The following PCLO variants were observed in gnomAD, a reference collection of about 807,000 sequenced individuals.
PCLO encodes the protein piccolo presynaptic cytomatrix protein, also known as protein piccolo.
In PCLO, 82 loss-of-function variants were observed where a neutral mutation model predicts 427.5. The observed-to-expected ratio is 0.19, with a 90% confidence interval of 0.16 to 0.23. PCLO has a LOEUF of 0.23. PCLO is among the 10% of genes least tolerant of loss of function. The pLI is 1.00. For synonymous variants in PCLO, 2,357 were observed against 2,155.4 expected, an observed-to-expected ratio of 1.09 and a Z score of -2.59; for missense variants, 6,239 against 6,115.9, an observed-to-expected ratio of 1.02 and a Z score of -0.67.
chr7:82,953,618 A>C lies in PCLO; in HGVS notation c.7335T>G (p.Val2445=). Residue 2445 remains valine (V), a synonymous_variant, in exon 5 of 25, where the codon GTT becomes GTG. Transcript: ENST00000333891. ...PTILPKKKLT[V]ASPVTTATPL... ...GTGTAGCTGTAGTCACTGGAGATGC[A>C]ACTGTTAACTTTTTTTTAGGAAGAA... 1.2e-6 allele frequency: 2 copies of C among 1,609,746 alleles called. No individual in the cohort carries two copies. Among genetic ancestry groups the C allele is most frequent in the South Asian group, 2.2e-5 (2 of 90,702 alleles).
intron 4 of PCLO, among the ~76,000 whole-genome samples, chr7:82,965,522 T>C (rs1488072017): frequency 6.6e-6 from 1 of 152,118 alleles, no homozygotes; most frequent in Non-Finnish European, 1.5e-5. Context: ...ATGATTTTGA[T>C]AGATTATTTG....
chr7:83,064,012 C>T (rs1483848068), intron 3 of PCLO, among the ~76,000 whole-genome samples: 2 of 151,856 alleles, frequency 1.3e-5, no homozygotes, highest in Admixed American at 6.6e-5. Context: ...TCAATGAAAA[C>T]CTATTAAGGC....
At chr7:83,033,806 A>T (rs1788728986) in intron 3 of PCLO, among the ~76,000 whole-genome samples, 1 of 152,106 alleles carries the variant, frequency 6.6e-6, no homozygotes, top group Non-Finnish European at 1.5e-5. Context: ...TTTGGTAGAC[A>T]TGTTTCTCAC....
intron 6 of PCLO, among the ~76,000 whole-genome samples, chr7:82,926,552 T>C (rs1483308869): frequency 6.6e-6 from 1 of 152,170 alleles, no homozygotes; most frequent in Non-Finnish European, 1.5e-5. Flanking sequence ...AATTCTCTAA[T>C]TGATACTGTG....
intron 9 of PCLO, among the ~76,000 whole-genome samples, chr7:82,882,328 C>T (rs1466967726): frequency 6.6e-6 from 1 of 152,068 alleles, no homozygotes; most frequent in Non-Finnish European, 1.5e-5. Context: ...GTAAATGACC[C>T]TTGACAAGTG....
intron 3 of PCLO, among the ~76,000 whole-genome samples, chr7:83,124,163 A>C (rs1346149116): frequency 6.6e-6 from 1 of 151,468 alleles, no homozygotes; most frequent in African/African-American, 2.4e-5. Context: ...ACAAAAAAAA[A>C]AAAATTAGCC....
intron 6 of PCLO, among the ~76,000 whole-genome samples, chr7:82,922,507 T>G (rs1015304975): frequency 6.6e-6 from 1 of 152,040 alleles, no homozygotes; most frequent in African/African-American, 2.4e-5. Flanking sequence ...AAATACCACA[T>G]GTTGTCACCT....
At position 82,915,925 on chromosome 7, in the gene PCLO, TG is replaced by T; in HGVS notation, c.12060del (p.Ser4020ArgfsTer29). 1 of 1,613,354 alleles carries T rather than the reference TG, an allele frequency of 6.2e-7. No individual in the cohort carries two copies. Among genetic ancestry groups the T allele is most frequent in the Non-Finnish European group, 8.5e-7 (1 of 1,179,794 alleles). On this transcript the variant is annotated frameshift_variant, in exon 7 of 25. Transcript: ENST00000333891. LOFTEE classifies it high-confidence loss of function. ...ATGCTTGATATTGGACTGCTTGCCA[TG>T]CTACTTCTTTCCTCCAAACCTATTC... ...DLRIGLEERSSMASSPISSIS... is the reference protein window; with the variant it reads ...DLRIGLEERSXMASSPISSIS...
In PCLO at chr7:82,952,098, C is replaced by T. The variant is rs1795366378; in HGVS notation, c.8855G>A (p.Ser2952Asn). 8.1e-6 allele frequency: 13 copies of T among 1,613,848 alleles called. No individual in the cohort carries two copies. The East Asian group carries it at 2.5e-4, about 30-fold the overall frequency. Residue 2952 changes from serine to asparagine, a missense_variant, in exon 5 of 25, where the codon AGC (serine) becomes AAC (asparagine). This residue lies in a region of PCLO where 4,677 missense variants were observed against 4,468.4 expected (regional missense o/e 1.05). Transcript: ENST00000333891. The part of the protein sequence containing the change: ...DVVYKLPFGR[S>N]CTAQQPATTL... ...AGTTGCAGGCTGCTGTGCTGTGCAGCTCCTTCCAAATGGTAATTTATAAAC... is the reference window on the plus strand; with the variant it reads ...AGTTGCAGGCTGCTGTGCTGTGCAGTTCCTTCCAAATGGTAATTTATAAAC...
chr7:82,781,960 C>T (rs1333072015), intron 22 of PCLO, among the ~76,000 whole-genome samples: 1 of 152,210 alleles, frequency 6.6e-6, no homozygotes, highest in African/African-American at 2.4e-5. Context: ...ATCTCTTCAT[C>T]TGTGTCCTTG....
rs548865588 is a variant in PCLO, at chr7:82,798,378, G to A, written c.15007+3140C>T. ...TGTCTAAAAAAAATTGAATTGACTC[G>A]TTTGTTTTTGTTCCCCCGCTAAATT... On this transcript the variant is annotated intron_variant, in intron 22 of 24. Coordinates refer to ENST00000333891, the MANE Select transcript of PCLO (RefSeq NM_033026.6). Among the ~76,000 whole-genome samples the A allele has an allele frequency of 2.7e-4, 41 of 152,110 alleles. No homozygotes were observed. In the South Asian group the frequency reaches 7.7e-3, roughly 28 times the overall value.
intron 19 of PCLO, among the ~76,000 whole-genome samples, chr7:82,823,085 T>C (rs1376341474): frequency 6.6e-6 from 1 of 152,080 alleles, no homozygotes; most frequent in African/African-American, 2.4e-5. Context: ...AGTGTGGAGA[T>C]TGTAGAATCA....
intron 22 of PCLO, among the ~76,000 whole-genome samples, chr7:82,801,131 T>A (rs1174450620): frequency 7.2e-6 from 1 of 139,734 alleles, no homozygotes; most frequent in East Asian, 2.3e-4. Context: ...TATTTAAGAA[T>A]TTCTATGGAC....
At chr7:83,007,875 A>T (rs534165972) in intron 3 of PCLO, among the ~76,000 whole-genome samples, 7 of 151,736 alleles carry the variant, frequency 4.6e-5, no homozygotes, top group African/African-American at 1.4e-4. Context: ...AGTGTACTTA[A>T]CAGTGTCTGA....
At position 82,909,009 on chromosome 7, in the gene PCLO, A is replaced by G. The variant is rs1228913093; in HGVS notation, c.13305T>C (p.Tyr4435=). ...FQHAMSDSEA[Y]HLRREETDWF... Reference sequence around the variant, plus strand: ...AATCTGTTTCCTCACGACGCAGATGATAGGCTTTGGACACCAAGGAAACAT... The same window carrying G: ...AATCTGTTTCCTCACGACGCAGATGGTAGGCTTTGGACACCAAGGAAACAT... Residue 4435 remains tyrosine, a synonymous_variant, in exon 8 of 25, where the codon TAT becomes TAC. Transcript: ENST00000333891. 6.2e-7 allele frequency: 1 copy of G among 1,612,466 alleles called. No individual in the cohort carries two copies. The highest frequency in any genetic ancestry group is 8.5e-7 in the Non-Finnish European group (1 of 1,179,034).
At chr7:82,796,480 C>T (rs1212319794) in intron 22 of PCLO, among the ~76,000 whole-genome samples, 1 of 151,902 alleles carries the variant, frequency 6.6e-6, no homozygotes, top group Non-Finnish European at 1.5e-5. Flanking sequence ...TGAACTTGGC[C>T]TCATTCATTG....
At chr7:82,786,794 T>C (rs1790994272) in intron 22 of PCLO, among the ~76,000 whole-genome samples, 1 of 152,028 alleles carries the variant, frequency 6.6e-6, no homozygotes, top group Non-Finnish European at 1.5e-5. Flanking sequence ...CCTGTGTACA[T>C]GTGTTCTCAT....
chr7:82,758,532 G>A lies in PCLO; in HGVS notation c.*43C>T. ...GTATTCAACTATAGTCTTGATGTGA[G>A]GCTATTTAGAGCAGTTTCTATACCC... On this transcript the variant is annotated 3_prime_UTR_variant, in exon 25 of 25. Coordinates refer to ENST00000333891, the MANE Select transcript of PCLO (RefSeq NM_033026.6). 6.4e-7 allele frequency: 1 copy of A among 1,556,742 alleles called. No homozygotes were observed. Among genetic ancestry groups the A allele is most frequent in the East Asian group, 2.3e-5 (1 of 44,380 alleles).
intron 24 of PCLO, 89 bp downstream of exon 24, chr7:82,760,550 G>A (rs1173123451): frequency 1.3e-6 from 1 of 778,466 alleles, no homozygotes; most frequent in Non-Finnish European, 2.0e-6. Context: ...TATAGTGTAT[G>A]ATCAGTATAT....
Sources: gnomAD v4.1 joint callset for allele counts (sites outside exome capture counted in the v4.1 genomes callset) on GRCh38, gnomAD v4.1.1 for gene constraint, gnomAD v4.1.1 regional missense constraint, MANE v1.5 for transcripts, NCBI Gene and HGNC (gene_info 2026-07-23, HGNC 2026-07-21) for gene names.